The following MACROD2 variants were observed in gnomAD, a reference collection of about 807,000 sequenced individuals.
The protein encoded by MACROD2 is ADP-ribose glycohydrolase MACROD2.
Under a neutral mutation model 70.4 loss-of-function variants are expected in MACROD2, and 36 were observed. That is an observed-to-expected ratio of 0.51 (90% confidence interval 0.39 to 0.68). The LOEUF is 0.68. Among genes scored for constraint, MACROD2 ranks in the 30% least tolerant of loss-of-function variants. The pLI is 0.00. For missense variants in MACROD2, 496 were observed against 538.4 expected (o/e 0.92, Z 0.78); for synonymous variants, 172 against 178.8 (o/e 0.96, Z 0.30).
intron 2 of MACROD2, among the ~76,000 whole-genome samples, chr20:14,020,489 A>T (rs553583386): frequency 3.5e-4 from 53 of 152,272 alleles, no homozygotes; most frequent in African/African-American, 1.3e-3. Context: ...AAATAAAATT[A>T]AATTTAAAAA....
chr20:16,042,398 G>T, intron 16 of MACROD2, among the ~76,000 whole-genome samples: 1 of 151,994 alleles, frequency 6.6e-6, no homozygotes, highest in East Asian at 1.9e-4. Context: ...ATGTTCTGAG[G>T]ACTATCAGGC....
chr20:16,015,256 A>G (rs1353076846), intron 15 of MACROD2, among the ~76,000 whole-genome samples: 2 of 152,222 alleles, frequency 1.3e-5, no homozygotes, highest in Non-Finnish European at 2.9e-5. Flanking sequence ...TTAAGTATAC[A>G]CCAAACTGAA....
intron 8 of MACROD2, among the ~76,000 whole-genome samples, chr20:15,788,065 C>T (rs935887898): frequency 6.6e-6 from 1 of 152,188 alleles, no homozygotes; most frequent in Non-Finnish European, 1.5e-5. Context: ...TCCATATCCA[C>T]AGGCAGCTCA....
chr20:14,299,625 C>A (rs763567104), intron 3 of MACROD2, among the ~76,000 whole-genome samples: 1 of 152,048 alleles, frequency 6.6e-6, no homozygotes, highest in Non-Finnish European at 1.5e-5. Context: ...TAGAACCGAA[C>A]CTGCAATGTC....
chr20:14,291,765 T>C (rs1353474351), intron 3 of MACROD2, among the ~76,000 whole-genome samples: 1 of 151,934 alleles, frequency 6.6e-6, no homozygotes, highest in East Asian at 1.9e-4. Context: ...CACCACTTAA[T>C]ACCCTGAATA....
At chr20:14,481,322 T>A (rs971177443) in intron 3 of MACROD2, among the ~76,000 whole-genome samples, 4 of 152,144 alleles carry the variant, frequency 2.6e-5, no homozygotes. Flanking sequence ...TACTGAGAAT[T>A]TTCATCTTTT....
intron 5 of MACROD2, among the ~76,000 whole-genome samples, chr20:15,052,661 A>G (rs2075451980): frequency 6.6e-6 from 1 of 152,154 alleles, no homozygotes; most frequent in Admixed American, 6.5e-5. Flanking sequence ...GAGCCTCCGT[A>G]TTCCCTGAGA....
At chr20:15,110,984 C>G (rs1193794811) in intron 5 of MACROD2, among the ~76,000 whole-genome samples, 1 of 152,140 alleles carries the variant, frequency 6.6e-6, no homozygotes, top group African/African-American at 2.4e-5. Context: ...TTAATCCTCA[C>G]AATTATTCTG....
At chr20:15,546,907 G>A (rs1441061706) in intron 8 of MACROD2, among the ~76,000 whole-genome samples, 1 of 152,172 alleles carries the variant, frequency 6.6e-6, no homozygotes, top group East Asian at 1.9e-4. Flanking sequence ...GGATTCAAAA[G>A]GAATCCCCTT....
chr20:14,902,262 A>G (rs2073903641), intron 5 of MACROD2, among the ~76,000 whole-genome samples: 1 of 152,154 alleles, frequency 6.6e-6, no homozygotes, highest in Non-Finnish European at 1.5e-5. Flanking sequence ...TTCGCGGTGA[A>G]GGGTTACATT....
intron 8 of MACROD2, among the ~76,000 whole-genome samples, chr20:15,570,644 T>G (rs1456054336): frequency 6.6e-6 from 1 of 152,214 alleles, no homozygotes; most frequent in Non-Finnish European, 1.5e-5. Context: ...TTCTCCATGC[T>G]GGCTTTATGT....
At chr20:14,708,248 G>A (rs2071293695) in intron 5 of MACROD2, among the ~76,000 whole-genome samples, 1 of 152,178 alleles carries the variant, frequency 6.6e-6, no homozygotes, top group African/African-American at 2.4e-5. Flanking sequence ...AATATACACT[G>A]TGGTAGACTA....
intron 11 of MACROD2, among the ~76,000 whole-genome samples, chr20:15,934,024 C>G (rs1201288964): frequency 6.6e-6 from 1 of 152,174 alleles, no homozygotes; most frequent in East Asian, 1.9e-4. Flanking sequence ...CTCTTCCTAT[C>G]CATTTTTGTA....
At chr20:15,154,810 G>A (rs753951844) in intron 5 of MACROD2, among the ~76,000 whole-genome samples, 1 of 152,140 alleles carries the variant, frequency 6.6e-6, no homozygotes, top group Admixed American at 6.5e-5. Flanking sequence ...AATTTTGGGG[G>A]AACACAAACA....
chr20:15,753,606 A>G (rs2051305323), intron 8 of MACROD2, among the ~76,000 whole-genome samples: 2 of 152,182 alleles, frequency 1.3e-5, no homozygotes, highest in African/African-American at 4.8e-5. Flanking sequence ...TGGTAGAATG[A>G]TTTACTTTCT....
At chr20:14,073,572 C>T (rs2053878445) in intron 2 of MACROD2, among the ~76,000 whole-genome samples, 1 of 152,098 alleles carries the variant, frequency 6.6e-6, no homozygotes, top group South Asian at 2.1e-4. Flanking sequence ...CAATAATTCA[C>T]ATTATTATCC....
intron 3 of MACROD2, among the ~76,000 whole-genome samples, chr20:14,193,548 A>G (rs558060680): frequency 6.6e-6 from 1 of 152,268 alleles, no homozygotes; most frequent in Admixed American, 6.5e-5. Flanking sequence ...CCTAGAGACC[A>G]GTATCAGTAG....
chr20:15,937,576 C>G, intron 12 of MACROD2, 32 bp downstream of exon 12: 1 of 1,587,740 alleles, frequency 6.3e-7, no homozygotes, highest in Non-Finnish European at 8.6e-7. Flanking sequence ...CTAATAATTG[C>G]AGACTCTTAA....
intron 8 of MACROD2, among the ~76,000 whole-genome samples, chr20:15,800,988 C>T (rs1206097927): frequency 6.6e-6 from 1 of 150,954 alleles, no homozygotes; most frequent in African/African-American, 2.5e-5. Flanking sequence ...TGCTTGAAGG[C>T]AGCATGCTCC....
Sources: gnomAD v4.1 joint callset for allele counts (sites outside exome capture counted in the v4.1 genomes callset) on GRCh38, gnomAD v4.1.1 for gene constraint, MANE v1.5 for transcripts, NCBI Gene and HGNC (gene_info 2026-07-23, HGNC 2026-07-21) for gene names.